Variants in COL3A1 observed in about 807,000 individuals in gnomAD.
COL3A1 encodes the protein collagen alpha-1(III) chain.
In COL3A1, 46 loss-of-function variants were observed where a neutral mutation model predicts 200.9. The ratio of observed to expected loss-of-function variants is 0.23; its 90% CI spans 0.18 to 0.29. The LOEUF (loss-of-function observed/expected upper bound fraction) is 0.29. Ranked by LOEUF, COL3A1 falls within the 10% of genes least tolerant of loss-of-function variation. The pLI is 1.00. For missense variants in COL3A1, 1,367 were observed against 1,917.6 expected (o/e 0.71, Z 5.36); for synonymous variants, 650 against 628.0 (o/e 1.03, Z -0.52).
intron 47 of COL3A1, 174 bp downstream of exon 47, chr2:189,008,316 C>T: frequency 3.0e-6 from 2 of 660,558 alleles, no homozygotes; most frequent in Non-Finnish European, 5.3e-6. Context: ...TTCTACCACA[C>T]TATAACAGGA....
intron 1 of COL3A1, among the ~76,000 whole-genome samples, chr2:188,980,291 A>G (rs938636014): frequency 6.6e-6 from 1 of 151,148 alleles, no homozygotes; most frequent in African/African-American, 2.4e-5. Flanking sequence ...TAATTATCTA[A>G]TTATTTTTAT....
chr2:189,007,437 T>A (rs1688618377), intron 44 of COL3A1, 63 bp from the exon 45 acceptor site: 13 of 1,251,504 alleles, frequency 1.0e-5, no homozygotes, highest in Admixed American at 6.2e-5. Flanking sequence ...TATTATAAAT[T>A]CTATTTTATT....
At chr2:188,986,857 G>A (rs1482397073) in intron 4 of COL3A1, among the ~76,000 whole-genome samples, 1 of 152,012 alleles carries the variant, frequency 6.6e-6, no homozygotes, top group South Asian at 2.1e-4. Flanking sequence ...CATCCCACAA[G>A]AAAATGCTTC....
intron 32 of COL3A1, among the ~76,000 whole-genome samples, chr2:189,000,600 C>G (rs960794576): frequency 6.6e-6 from 1 of 152,120 alleles, no homozygotes; most frequent in Admixed American, 6.5e-5. Context: ...TATAGAGCTA[C>G]ATATACACAC....
At position 188,989,547 on chromosome 2, in the gene COL3A1, T is replaced by A. The variant is rs1362980523; in HGVS notation, c.690+98T>A. 3.3e-6 allele frequency: 3 copies of A among 911,128 alleles called. No individual in the cohort carries two copies. The African/African-American group carries it at 5.1e-5, about 15-fold the overall frequency. The allele number at this position is 911,128 out of a possible 1,614,324, so 56.4% of individuals were successfully genotyped here. A position where few individuals can be genotyped will look rare whatever the true frequency, so the allele number is the denominator to read the frequency against. ...GTCAGAATCCCAGAAGAAAAAAAAA[T>A]GTTATTCAAAATATTGTTGTCTTAA... On this transcript the variant is annotated intron_variant, in intron 8 of 50. Transcript: ENST00000304636.
chr2:188,998,570 G>A, intron 28 of COL3A1, 104 bp from the exon 29 acceptor site: 2 of 1,202,070 alleles, frequency 1.7e-6, no homozygotes, highest in Non-Finnish European at 2.4e-6. Context: ...TGACAAATGT[G>A]TATTTTGCTT....
At chr2:188,992,321 G>A in intron 14 of COL3A1, 93 bp downstream of exon 14, 1 of 1,056,372 alleles carries the variant, frequency 9.5e-7, no homozygotes, top group African/African-American at 1.6e-5. Flanking sequence ...ATACTCTTAG[G>A]TATATATATA....
intron 47 of COL3A1, chr2:189,008,458 A>C (rs1236062261): frequency 4.6e-6 from 2 of 435,962 alleles, no homozygotes; most frequent in Admixed American, 7.2e-5. Context: ...ATTCATAATT[A>C]TCTGCGTTTA....
chr2:189,007,653 T>C, intron 45 of COL3A1, 46 bp downstream of exon 45: 1 of 1,500,918 alleles, frequency 6.7e-7, no homozygotes, highest in Non-Finnish European at 9.2e-7. Flanking sequence ...TGTATACAAA[T>C]TTTAGAGATT....
intron 32 of COL3A1, among the ~76,000 whole-genome samples, chr2:189,000,105 T>C (rs1688423505): frequency 6.6e-6 from 1 of 152,162 alleles, no homozygotes; most frequent in South Asian, 2.1e-4. Context: ...TGAAAAAGCC[T>C]CAAGAGTACG....
In COL3A1 at chr2:189,001,260, G is replaced by A. The variant is rs1477698962; in HGVS notation, c.2284-137G>A. 1.1e-5 allele frequency: 8 copies of A among 748,236 alleles called. No individual in the cohort carries two copies. The East Asian group carries it at 1.6e-4, about 15-fold the overall frequency. 46.3% of individuals were successfully genotyped at this position (748,236 alleles called of 1,614,324 possible). A position where few individuals can be genotyped will look rare whatever the true frequency, so the allele number is the denominator to read the frequency against. ...ATTTACACATTGAGAGAAAAGCATA[G>A]CATTCAAGCCATAAAAATTTTTAAA... On this transcript the variant is annotated intron_variant, in intron 32 of 50. Transcript: ENST00000304636.
At chr2:188,980,927 A>C (rs1192862530) in intron 1 of COL3A1, among the ~76,000 whole-genome samples, 3 of 151,390 alleles carry the variant, frequency 2.0e-5, no homozygotes, top group African/African-American at 7.2e-5. Context: ...TGTGATTCTT[A>C]GATTTTCAGA....
At chr2:188,979,307 G>A (rs942337809) in intron 1 of COL3A1, among the ~76,000 whole-genome samples, 6 of 151,824 alleles carry the variant, frequency 4.0e-5, no homozygotes, top group Non-Finnish European at 7.4e-5. Context: ...TGTTCACAAC[G>A]TTCCAGTTTC....
At chr2:188,983,767 CA>C (rs1318632832) in intron 1 of COL3A1, among the ~76,000 whole-genome samples, 1 of 151,910 alleles carries the variant, frequency 6.6e-6, no homozygotes, top group Non-Finnish European at 1.5e-5. Context: ...TTGTTGTTTG[CA>C]AAAATTTTTG....
intron 48 of COL3A1, 111 bp from the exon 49 acceptor site, chr2:189,010,067 A>T: frequency 1.0e-6 from 1 of 990,024 alleles, no homozygotes; most frequent in Non-Finnish European, 1.6e-6. Flanking sequence ...TATACATAAA[A>T]TGCAGACACA....
chr2:188,992,355 C>G, intron 14 of COL3A1, 127 bp downstream of exon 14: 1 of 811,010 alleles, frequency 1.2e-6, no homozygotes, highest in Non-Finnish European at 2.0e-6. Flanking sequence ...CTCTAATATA[C>G]ACATTAGCAT....
intron 1 of COL3A1, among the ~76,000 whole-genome samples, chr2:188,975,647 G>A (rs1687793360): frequency 6.6e-6 from 1 of 152,150 alleles, no homozygotes; most frequent in Non-Finnish European, 1.5e-5. Flanking sequence ...AATATCAAAT[G>A]TATTTGTTGT....
At position 188,997,403 on chromosome 2, in the gene COL3A1, T is replaced by C. The variant is rs1181599139; in HGVS notation, c.1869+14T>C. The C allele has an allele frequency of 1.9e-6, 3 of 1,612,684 alleles. No individual in the cohort carries two copies. Among genetic ancestry groups the C allele is most frequent in the South Asian group, 2.2e-5 (2 of 91,038 alleles). On this transcript the variant is annotated intron_variant, in intron 26 of 50. Coordinates refer to ENST00000304636, the MANE Select transcript of COL3A1 (RefSeq NM_000090.4). ...CCAGGGCCTACTGTAAGTTCACTCA[T>C]ATAAAATTGGAGATGAAAATAGGGT... is the stretch of plus-strand genomic sequence containing the variant.
At position 188,992,267 on chromosome 2, in the gene COL3A1, G is replaced by A. The variant is rs750250250; in HGVS notation, c.996+39G>A. On this transcript the variant is annotated intron_variant, in intron 14 of 50. Coordinates refer to ENST00000304636, the MANE Select transcript of COL3A1 (RefSeq NM_000090.4). The stretch of plus-strand genomic sequence containing the variant: ...TATCTCTTATGTGTTGTAGGGTAAT[G>A]AGAAGTTATGGATTGTGGATTATTT... The A allele has an allele frequency of 6.3e-6, 10 of 1,578,164 alleles. No individual in the cohort carries two copies. The East Asian group carries it at 2.0e-4, about 32-fold the overall frequency.
Sources: gnomAD v4.1 joint callset for allele counts (sites outside exome capture counted in the v4.1 genomes callset) on GRCh38, gnomAD v4.1.1 for gene constraint, MANE v1.5 for transcripts, NCBI Gene and HGNC (gene_info 2026-07-23, HGNC 2026-07-21) for gene names.